Variants in DDX42 observed in about 807,000 individuals in gnomAD.
DDX42 encodes ATP-dependent RNA helicase DDX42.
Under a neutral mutation model 101.5 loss-of-function variants are expected in DDX42, and 22 were observed. That is an observed-to-expected ratio of 0.22 (90% CI 0.15 to 0.31). The LOEUF is 0.31. Among genes scored for constraint, DDX42 ranks in the 10% least tolerant of loss-of-function variants. The pLI is 1.00. For missense variants in DDX42, 849 were observed against 1,199.9 expected, an observed-to-expected ratio of 0.71 and a Z score of 4.32; for synonymous variants, 402 against 401.2, an observed-to-expected ratio of 1.00 and a Z score of -0.02.
At chr17:63,802,128 A>G (rs907687328) in intron 6 of DDX42, among the ~76,000 whole-genome samples, 8 of 152,196 alleles carry the variant, frequency 5.3e-5, no homozygotes, top group Admixed American at 1.3e-4. Context: ...GAATCAAGCC[A>G]GTGGCACCAA....
chr17:63,801,973 A>G (rs890198699), intron 6 of DDX42, among the ~76,000 whole-genome samples: 1 of 152,226 alleles, frequency 6.6e-6, no homozygotes. Flanking sequence ...AGTGGTTCTC[A>G]GTGTGGACCA....
At chr17:63,805,403 A>G (rs937090674) in intron 7 of DDX42, 2 of 490,636 alleles carry the variant, frequency 4.1e-6, no homozygotes, top group African/African-American at 4.1e-5. Flanking sequence ...TATTTCAGTC[A>G]GTTTTATATG....
rs1465052533 is a variant in DDX42, at chr17:63,818,875, T to A, written c.*477T>A. The stretch of plus-strand genomic sequence containing the variant: ...GGGAGCAATTTGGTAGTTGTAGACA[T>A]TTGCAGGGAAGGGAGATGTCTGATT... On this transcript the variant is annotated 3_prime_UTR_variant, in exon 18 of 18. Coordinates refer to ENST00000389924, the MANE Select transcript of DDX42 (RefSeq NM_203499.3). 1 of 157,416 alleles carries A rather than the reference T, an allele frequency of 6.4e-6. No homozygotes were observed. Among genetic ancestry groups the A allele is most frequent in the Non-Finnish European group, 1.4e-5 (1 of 70,642 alleles). 9.8% of individuals were successfully genotyped at this position (157,416 alleles called of 1,614,324 possible).
In DDX42 at chr17:63,778,797, C is replaced by T. The variant is rs142818017; in HGVS notation, c.-17+4421C>T. Among the ~76,000 whole-genome samples, 810 of 152,238 alleles carry T rather than the reference C, an allele frequency of 5.3e-3. 5 individuals carry two copies. The highest frequency in any genetic ancestry group is 0.018 in the African/African-American group (739 of 41,532). On this transcript the variant is annotated intron_variant, in intron 1 of 17. Transcript: ENST00000389924. ...CTGGAACTATGGGTGCGCGCCATCA[C>T]GCCTGGCTAATTTTTGTATTTTTAG...
Position 63,812,165 on chromosome 17 carries a change from T to C in DDX42, c.1632T>C (p.Phe544=), listed in dbSNP as rs769320193. The change falls in exon 14 of 18, where the codon TTT becomes TTC. Residue 544 remains phenylalanine (F), a synonymous_variant. Coordinates refer to ENST00000389924, the MANE Select transcript of DDX42 (RefSeq NM_203499.3). ...AGAGAAACAAGGTCATTTCAGACTT[T>C]AAGAAAAAGGACATCCCAGTCCTGG... The part of the protein sequence containing the change: ...QSERNKVISD[F]KKKDIPVLVA... The C allele has an allele frequency of 1.9e-6, 3 of 1,614,030 alleles. No homozygotes were observed. The highest frequency in any genetic ancestry group is 2.2e-5 in the East Asian group (1 of 44,892).
chr17:63,798,049 T>C lies in DDX42; in HGVS notation c.384T>C (p.Ala128=). Residue 128 remains alanine (A), a synonymous_variant, in exon 4 of 18, where the codon GCT becomes GCC. Coordinates refer to ENST00000389924, the MANE Select transcript of DDX42 (RefSeq NM_203499.3). The stretch of plus-strand genomic sequence containing the variant: ...TTTTGTTTCATTAGGATCAGGCAGC[T>C]AGAGACATGAAGAGGCTTGAAGAAA... ...AFMAEVEDQA[A]RDMKRLEEKD... 1 of 1,612,616 alleles carries C rather than the reference T, an allele frequency of 6.2e-7. No individual in the cohort carries two copies. Among genetic ancestry groups the C allele is most frequent in the Non-Finnish European group, 8.5e-7 (1 of 1,179,332 alleles).
Position 63,812,478 on chromosome 17 carries a change from T to C in DDX42, c.1675+270T>C, listed in dbSNP as rs112819136. On this transcript the variant is annotated intron_variant, in intron 14 of 17. Transcript: ENST00000389924. ...GGAAAAAAGGCAGTGAATGCCCTTA[T>C]TGTATGTCTGAATATAGTAGATACC... Among the ~76,000 whole-genome samples, 736 of 152,308 alleles carry C rather than the reference T, an allele frequency of 4.8e-3. 7 individuals are homozygous for C. Among genetic ancestry groups the C allele is most frequent in the African/African-American group, 0.017 (711 of 41,578 alleles).
chr17:63,784,182 C>T (rs2039520576), intron 1 of DDX42, among the ~76,000 whole-genome samples: 1 of 152,116 alleles, frequency 6.6e-6, no homozygotes, highest in Admixed American at 6.5e-5. Flanking sequence ...TAGAACAGTG[C>T]ATGTTTCTGA....
intron 11 of DDX42, chr17:63,810,201 T>A (rs2584630): frequency 0.28 from 58,447 of 205,504 alleles, 10,149 homozygotes; most frequent in South Asian, 0.52. Context: ...TTCTTCTGCC[T>A]CAGCCTCCTG....
intron 3 of DDX42, among the ~76,000 whole-genome samples, chr17:63,793,098 G>A (rs2039648929): frequency 6.6e-6 from 1 of 151,046 alleles, no homozygotes; most frequent in African/African-American, 2.4e-5. Flanking sequence ...TTGTTTTCTT[G>A]CTATTTTTAT....
rs372872675 is a variant in DDX42 at position 63,808,945 on chromosome 17, C to G, written c.1149C>G (p.Thr383=). ...LQEGAEIVVC[T]PGRLIDHVKK... ...AGGGGGCAGAGATTGTTGTGTGTAC[C>G]CCAGTAAGTATGCCTTGTGTTTAAA... Residue 383 remains threonine (T), a synonymous_variant, in exon 10 of 18, where the codon ACC becomes ACG. Transcript: ENST00000389924. 1.9e-6 allele frequency: 3 copies of G among 1,613,216 alleles called. No homozygotes were observed. The highest frequency in any genetic ancestry group is 1.7e-5 in the Admixed American group (1 of 59,848).
intron 15 of DDX42, among the ~76,000 whole-genome samples, chr17:63,813,867 TCTCA>T (rs1313715525): frequency 2.0e-5 from 3 of 151,654 alleles, no homozygotes; most frequent in Admixed American, 6.6e-5. Flanking sequence ...TGAGACAGAA[TCTCA>T]CTCTATCGCC....
At chr17:63,813,130 A>T in intron 14 of DDX42, 98 bp from the exon 15 acceptor site, 1 of 1,153,484 alleles carries the variant, frequency 8.7e-7, no homozygotes, top group Non-Finnish European at 1.2e-6. Context: ...CTTTGCCTAG[A>T]TAAAGGAAAT....
chr17:63,802,841 C>T (rs989841421), intron 6 of DDX42, among the ~76,000 whole-genome samples: 4 of 149,792 alleles, frequency 2.7e-5, no homozygotes, highest in Admixed American at 1.3e-4. Flanking sequence ...ATCCAGGAGG[C>T]GGAGGTTGCA....
At chr17:63,791,100 C>T (rs1379331068) in intron 2 of DDX42, among the ~76,000 whole-genome samples, 2 of 151,944 alleles carry the variant, frequency 1.3e-5, no homozygotes, top group African/African-American at 2.4e-5. Context: ...TTTTAAACTG[C>T]AGTTATTTAT....
In DDX42 at chr17:63,817,856, G is replaced by A. The variant is rs151068366; in HGVS notation, c.2275G>A (p.Ala759Thr). Residue 759 changes from alanine to threonine, a missense_variant, in exon 18 of 18, where the codon GCC becomes ACC. By Grantham distance (58) the Ala-to-Thr change is moderately conservative. Transcript: ENST00000389924. ...CAGTCCTGACAGCCCCGTCACCAGT[G>A]CCGCCAAGGGCATCCCAGGCTTTGG... ...HNSPDSPVTSAAKGIPGFGNT... is the reference protein window; with the variant it reads ...HNSPDSPVTSTAKGIPGFGNT... 7 of 1,614,180 alleles carry A rather than the reference G, an allele frequency of 4.3e-6. No homozygotes were observed. The African/African-American group carries it at 5.3e-5, about 12-fold the overall frequency.
intron 1 of DDX42, among the ~76,000 whole-genome samples, chr17:63,780,019 G>A (rs577233480): frequency 5.3e-4 from 81 of 152,220 alleles, no homozygotes; most frequent in Admixed American, 9.8e-4. Flanking sequence ...AAAAACTGCC[G>A]GGCACGGTGG....
intron 5 of DDX42, 117 bp from the exon 6 acceptor site, chr17:63,800,350 CT>C: frequency 1.2e-6 from 1 of 852,480 alleles, no homozygotes; most frequent in South Asian, 2.1e-5. Context: ...AGGATCTTGC[CT>C]TACTTGGTAG....
chr17:63,805,305 T>C (rs1284785149), intron 7 of DDX42, 130 bp downstream of exon 7: 11 of 1,116,586 alleles, frequency 9.9e-6, no homozygotes, highest in Non-Finnish European at 1.4e-5. Flanking sequence ...GCCAGAGTAA[T>C]TATTATATCC....
Sources: gnomAD v4.1 joint callset for allele counts (sites outside exome capture counted in the v4.1 genomes callset) on GRCh38, gnomAD v4.1.1 for gene constraint, MANE v1.5 for transcripts, NCBI Gene and HGNC (gene_info 2026-07-23, HGNC 2026-07-21) for gene names.